Variants in OSBPL3 observed in about 807,000 individuals in gnomAD.
OSBPL3 encodes the protein oxysterol-binding protein-related protein 3.
A neutral mutation model predicts 120.1 loss-of-function variants in OSBPL3; 65 were observed. The ratio of observed to expected loss-of-function variants is 0.54; its 90% CI spans 0.44 to 0.67. The LOEUF is 0.67. Ranked by LOEUF, OSBPL3 falls within the 30% of genes least tolerant of loss-of-function variation. The probability of loss-of-function intolerance (pLI) is 0.00; values close to 1 mark genes in which losing one functional copy is unlikely to be tolerated. For missense variants in OSBPL3, 1,004 were observed against 1,082.1 expected (o/e 0.93, Z 1.01); for synonymous variants, 416 against 402.6 (o/e 1.03, Z -0.40).
Position 24,800,007 on chromosome 7 carries a change from A to G in OSBPL3, c.*176T>C. On this transcript the variant is annotated 3_prime_UTR_variant, in exon 23 of 23. Transcript: ENST00000313367. ...CATTCATATAAACAATCAGGGTAACATTTGAAATTGTAAAGAAACGCACTG... is the reference window on the plus strand; with the variant it reads ...CATTCATATAAACAATCAGGGTAACGTTTGAAATTGTAAAGAAACGCACTG... 2.5e-6 allele frequency: 1 copy of G among 394,310 alleles called. No individual in the cohort carries two copies. The allele number at this position is 394,310 out of a possible 1,614,324, so 24.4% of individuals were successfully genotyped here. A position where few individuals can be genotyped will look rare whatever the true frequency, so the allele number is the denominator to read the frequency against.
chr7:24,856,759 C>T (rs1584396632), intron 10 of OSBPL3, among the ~76,000 whole-genome samples: 1 of 152,132 alleles, frequency 6.6e-6, no homozygotes, highest in African/African-American at 2.4e-5. Flanking sequence ...TCATTTTTCC[C>T]CCTTTTTAAT....
chr7:24,923,252 A>G (rs148760750), intron 1 of OSBPL3, among the ~76,000 whole-genome samples: 1 of 152,224 alleles, frequency 6.6e-6, no homozygotes, highest in East Asian at 1.9e-4. Context: ...TCAGAGCTAG[A>G]AGAGCGTCTC....
In OSBPL3 at chr7:24,852,420, A is replaced by T. The variant is rs1356905715; in HGVS notation, c.1158+84T>A. ...AATTTGGTTTTCTCCTGAATTTTCA[A>T]CATAATCATGGAAATAGAAATTACA... On this transcript the variant is annotated intron_variant, in intron 11 of 22. Transcript: ENST00000313367. The surrounding 1 kb of genome is among the most constrained non-coding windows in gnomAD (Gnocchi z 4.1). The T allele has an allele frequency of 8.1e-7, 1 of 1,234,182 alleles. No individual in the cohort carries two copies. Among genetic ancestry groups the T allele is most frequent in the Non-Finnish European group, 1.1e-6 (1 of 931,054 alleles). 76.5% of individuals were successfully genotyped at this position (1,234,182 alleles called of 1,614,324 possible).
At chr7:24,845,384 T>TAAAAAAAAAAAAAAAAAAAAAAAAAAAAA (rs34559902) in intron 12 of OSBPL3, among the ~76,000 whole-genome samples, 2 of 62,264 alleles carry the variant, frequency 3.2e-5, no homozygotes, top group Non-Finnish European at 2.8e-5. Context: ...GCAAAATAAG[T>TAAAAAAAAAAAAAAAAAAAAAAAAAAAAA]AAAAAAAAAA....
chr7:24,826,098 G>A (rs1402540778), intron 16 of OSBPL3, among the ~76,000 whole-genome samples: 1 of 152,194 alleles, frequency 6.6e-6, no homozygotes, highest in Non-Finnish European at 1.5e-5. Context: ...TTCCCTTGAT[G>A]CAGCTCAAAA....
chr7:24,837,151 T>G (rs1486029357), intron 14 of OSBPL3, among the ~76,000 whole-genome samples: 1 of 152,148 alleles, frequency 6.6e-6, no homozygotes, highest in Non-Finnish European at 1.5e-5. Flanking sequence ...AGTTGCTTAA[T>G]ATGGGTAAAT....
intron 1 of OSBPL3, among the ~76,000 whole-genome samples, chr7:24,892,860 A>C (rs187865051): frequency 1.2e-4 from 18 of 152,364 alleles, no homozygotes; most frequent in African/African-American, 4.3e-4. Context: ...CAAAAATTTG[A>C]GTCCAGACAC....
intron 1 of OSBPL3, among the ~76,000 whole-genome samples, chr7:24,951,034 T>C (rs187717851): frequency 1.1e-4 from 17 of 152,296 alleles, no homozygotes; most frequent in African/African-American, 3.8e-4. Context: ...CAAAGCCCCA[T>C]TAAATGATCA....
rs71675250 is a variant in OSBPL3 at position 24,839,991 on chromosome 7, CAAAAAAAAAAA to C, written c.1495+688_1495+698del. Among the ~76,000 whole-genome samples the C allele has an allele frequency of 5.1e-4, 27 of 53,300 alleles. 1 individual carries two copies. Among genetic ancestry groups the C allele is most frequent in the African/African-American group, 2.0e-3 (25 of 12,738 alleles). 35.0% of individuals were successfully genotyped at this position (53,300 alleles called of 152,430 possible). A position where few individuals can be genotyped will look rare whatever the true frequency, so the allele number is the denominator to read the frequency against. On this transcript the variant is annotated intron_variant, in intron 14 of 22. Coordinates refer to ENST00000313367, the MANE Select transcript of OSBPL3 (RefSeq NM_015550.4). ...GGGGACAGAAAGAGACTCCATCTCA[CAAAAAAAAAAA>C]AAAAAAAAAAAAAAAAAAAGATATG...
At chr7:24,942,332 C>G (rs1031142354) in intron 1 of OSBPL3, among the ~76,000 whole-genome samples, 2 of 152,162 alleles carry the variant, frequency 1.3e-5, no homozygotes, top group Non-Finnish European at 2.9e-5. Flanking sequence ...CAGCTAAGGG[C>G]CCCCACACCT....
Position 24,803,685 on chromosome 7 carries a change from C to G in OSBPL3, c.2567+630G>C, listed in dbSNP as rs1384622044. On this transcript the variant is annotated intron_variant, in intron 22 of 22. Coordinates refer to ENST00000313367, the MANE Select transcript of OSBPL3 (RefSeq NM_015550.4). This position sits in a 1 kb window ranked among gnomAD's most constrained non-coding sequence, Gnocchi z 4.2. ...ACTTAGGAGGCTGAGGCAGGAGAAT[C>G]GCTTGAACCCAGGAGGTGGAGGCTG... Among the ~76,000 whole-genome samples the G allele has an allele frequency of 2.0e-5, 3 of 151,932 alleles. No individual in the cohort carries two copies.
In OSBPL3 at chr7:24,918,080, T is replaced by C; in HGVS notation, c.-149-25459A>G. The stretch of plus-strand genomic sequence containing the variant: ...GTTGGCTTATCCTCGACGCACATAA[T>C]GACAAGCACAGGTGCTGTTTCTCAG... On this transcript the variant is annotated intron_variant, in intron 1 of 22. Transcript: ENST00000313367. This position sits in a 1 kb window ranked among gnomAD's most constrained non-coding sequence, Gnocchi z 4.3. The C allele has an allele frequency of 3.0e-6, 3 of 985,106 alleles. No homozygotes were observed. Among genetic ancestry groups the C allele is most frequent in the Non-Finnish European group, 3.6e-6 (3 of 829,640 alleles). 61.0% of individuals were successfully genotyped at this position (985,106 alleles called of 1,614,324 possible).
At chr7:24,836,115 T>A (rs1035782302) in intron 14 of OSBPL3, among the ~76,000 whole-genome samples, 2 of 152,116 alleles carry the variant, frequency 1.3e-5, no homozygotes, top group Non-Finnish European at 2.9e-5. Flanking sequence ...TTTTTGCCTA[T>A]ATCTTTATTT....
Position 24,849,012 on chromosome 7 carries a change from G to T in OSBPL3, c.1266+57C>A. ...GGGAGGTCGTGCAATGGGACAGATGGTATCACGGGAGCGGGCGGCAGCTGG... is the reference window on the plus strand; with the variant it reads ...GGGAGGTCGTGCAATGGGACAGATGTTATCACGGGAGCGGGCGGCAGCTGG... On this transcript the variant is annotated intron_variant, in intron 12 of 22. Transcript: ENST00000313367. The surrounding 1 kb of genome is among the most constrained non-coding windows in gnomAD (Gnocchi z 5.4). The T allele has an allele frequency of 8.3e-7, 1 of 1,198,154 alleles. No homozygotes were observed. Among genetic ancestry groups the T allele is most frequent in the Non-Finnish European group, 1.2e-6 (1 of 808,606 alleles). 74.2% of individuals were successfully genotyped at this position (1,198,154 alleles called of 1,614,324 possible).
chr7:24,838,826 T>G (rs986467176), intron 14 of OSBPL3, among the ~76,000 whole-genome samples: 2 of 152,236 alleles, frequency 1.3e-5, no homozygotes, highest in African/African-American at 4.8e-5. Flanking sequence ...CTTGCCTCCT[T>G]GTTTTTCTAG....
At chr7:24,884,766 A>C (rs1342170120) in intron 2 of OSBPL3, among the ~76,000 whole-genome samples, 2 of 152,150 alleles carry the variant, frequency 1.3e-5, no homozygotes, top group African/African-American at 4.8e-5. Flanking sequence ...AACAACTTAT[A>C]AACAGCCGGA....
chr7:24,800,122 T>A lies in OSBPL3; in HGVS notation c.*61A>T, dbSNP rs1792113764. ...TTTTAAATATATAAACACAGGTTTG[T>A]GCCACTTCAGAAGGCAAGCACAGGA... On this transcript the variant is annotated 3_prime_UTR_variant, in exon 23 of 23. Coordinates refer to ENST00000313367, the MANE Select transcript of OSBPL3 (RefSeq NM_015550.4). The A allele has an allele frequency of 1.1e-6, 1 of 898,224 alleles. No individual in the cohort carries two copies. The highest frequency in any genetic ancestry group is 1.9e-6 in the Non-Finnish European group (1 of 535,068). 55.6% of individuals were successfully genotyped at this position (898,224 alleles called of 1,614,324 possible).
intron 19 of OSBPL3, among the ~76,000 whole-genome samples, chr7:24,812,938 G>A (rs1440766364): frequency 6.6e-6 from 1 of 152,224 alleles, no homozygotes; most frequent in African/African-American, 2.4e-5. Context: ...GAGTGCAGTG[G>A]TGCAATCATA....
chr7:24,801,466 C>T (rs918461953), intron 22 of OSBPL3, among the ~76,000 whole-genome samples: 2 of 151,412 alleles, frequency 1.3e-5, no homozygotes, highest in Admixed American at 6.6e-5. Flanking sequence ...AGGGAAATTC[C>T]GTGTGTGTGT....
Sources: allele counts gnomAD v4.1 joint callset (sites outside exome capture counted in the v4.1 genomes callset), GRCh38; gene constraint gnomAD v4.1.1; non-coding constraint Gnocchi (gnomAD v3.1); transcripts MANE v1.5; gene names NCBI Gene and HGNC (gene_info 2026-07-23, HGNC 2026-07-21).